CC2D2B: variants seen among roughly 807,000 people sequenced by gnomAD.
The protein encoded by CC2D2B is protein CC2D2B.
A neutral mutation model predicts 161.2 loss-of-function variants in CC2D2B; 128 were observed. The ratio of observed to expected loss-of-function variants is 0.79; its 90% CI spans 0.69 to 0.92. The LOEUF (loss-of-function observed/expected upper bound fraction) is 0.92. Among genes scored for constraint, CC2D2B ranks in the 40% least tolerant of loss-of-function variants. CC2D2B has a pLI of 0.00. For missense variants in CC2D2B, 1,173 were observed against 1,375.1 expected (o/e 0.85, Z 2.32); for synonymous variants, 391 against 449.8 (o/e 0.87, Z 1.65).
chr10:95,997,075 C>A lies in CC2D2B; in HGVS notation c.2849+823C>A, dbSNP rs187889140. Among the ~76,000 whole-genome samples, 206 of 152,286 alleles carry A rather than the reference C, an allele frequency of 1.4e-3. 5 individuals carry two copies. Among genetic ancestry groups the A allele is most frequent in the Admixed American group, 0.013 (205 of 15,288 alleles). On this transcript the variant is annotated intron_variant, in intron 24 of 34. Coordinates refer to ENST00000646931, the MANE Select transcript of CC2D2B (RefSeq NM_001349008.3). The stretch of plus-strand genomic sequence containing the variant: ...GACATCTTGATTTTGAACTTTGCAG[C>A]CTCCATAATTGTAGGAAATAAATTT...
chr10:96,004,648 T>C (rs1420927940), intron 25 of CC2D2B, among the ~76,000 whole-genome samples: 1 of 152,190 alleles, frequency 6.6e-6, no homozygotes, highest in African/African-American at 2.4e-5. Context: ...TAAAATTCAG[T>C]TCTACTTAAT....
At chr10:96,031,573 G>A (rs572051028) in intron 34 of CC2D2B, among the ~76,000 whole-genome samples, 10 of 152,278 alleles carry the variant, frequency 6.6e-5, no homozygotes, top group African/African-American at 2.4e-4. Flanking sequence ...TTTGGACTCA[G>A]ACCTGGTTGT....
chr10:95,999,559 AC>A (rs1479186501), intron 24 of CC2D2B, among the ~76,000 whole-genome samples: 1 of 152,060 alleles, frequency 6.6e-6, no homozygotes, highest in Admixed American at 6.6e-5. Context: ...CTGTTTTCTA[AC>A]CAATTGAGTA....
chr10:95,935,300 C>T (rs1265267686), intron 6 of CC2D2B, among the ~76,000 whole-genome samples: 1 of 152,134 alleles, frequency 6.6e-6, no homozygotes, highest in Non-Finnish European at 1.5e-5. Flanking sequence ...TCTTACAAAC[C>T]CTGTTGGTTC....
chr10:96,001,876 A>G (rs2078513464), intron 24 of CC2D2B, among the ~76,000 whole-genome samples: 1 of 152,192 alleles, frequency 6.6e-6, no homozygotes, highest in Non-Finnish European at 1.5e-5. Flanking sequence ...GTTTTCTGAC[A>G]CTTGCTTTCT....
At position 95,989,961 on chromosome 10, in the gene CC2D2B, G is replaced by A. The variant is rs150696686; in HGVS notation, c.2380-1409G>A. Among the ~76,000 whole-genome samples, 520 of 152,308 alleles carry A rather than the reference G, an allele frequency of 3.4e-3. 1 individual carries two copies. The highest frequency in any genetic ancestry group is 0.011 in the African/African-American group (461 of 41,564). ...AGTTATGTGCATTACATTTCCTGCT[G>A]TGTTACTGGAGTCAGTGATGGCTGA... is the stretch of plus-strand genomic sequence containing the variant. On this transcript the variant is annotated intron_variant, in intron 20 of 34. Coordinates refer to ENST00000646931, the MANE Select transcript of CC2D2B (RefSeq NM_001349008.3).
chr10:95,942,647 T>C (rs918571379), intron 9 of CC2D2B, among the ~76,000 whole-genome samples: 1 of 152,144 alleles, frequency 6.6e-6, no homozygotes, highest in East Asian at 1.9e-4. Context: ...TTTCACCTAA[T>C]TTCTGAGTTT....
At position 95,968,706 on chromosome 10, in the gene CC2D2B, G is replaced by A. The variant is rs1025159170; in HGVS notation, c.1467-18G>A. The stretch of plus-strand genomic sequence containing the variant: ...TTGTACTTTTTAAGGGTGATTTAAA[G>A]GTTTGTTTAATTTTTAGGCATGAAC... On this transcript the variant is annotated intron_variant, in intron 14 of 34. Coordinates refer to ENST00000646931, the MANE Select transcript of CC2D2B (RefSeq NM_001349008.3). The A allele has an allele frequency of 5.4e-6, 6 of 1,101,880 alleles. No individual in the cohort carries two copies. Among genetic ancestry groups the A allele is most frequent in the Non-Finnish European group, 6.9e-6 (6 of 869,710 alleles). 68.3% of individuals were successfully genotyped at this position (1,101,880 alleles called of 1,614,324 possible). A position where few individuals can be genotyped will look rare whatever the true frequency, so the allele number is the denominator to read the frequency against.
intron 10 of CC2D2B, among the ~76,000 whole-genome samples, chr10:95,951,627 T>C (rs188227238): frequency 6.6e-6 from 1 of 152,292 alleles, no homozygotes; most frequent in East Asian, 1.9e-4. Context: ...AAAATGCAGA[T>C]CATTTAAAAA....
intron 16 of CC2D2B, among the ~76,000 whole-genome samples, chr10:95,973,201 A>G (rs571633335): frequency 3.3e-5 from 5 of 152,316 alleles, no homozygotes; most frequent in African/African-American, 9.6e-5. Flanking sequence ...CTTCAAGTCC[A>G]GATGAAGCAG....
At chr10:95,955,616 T>C (rs1269222650) in intron 11 of CC2D2B, 125 bp downstream of exon 11, 2 of 391,670 alleles carry the variant, frequency 5.1e-6, no homozygotes, top group Non-Finnish European at 9.0e-6. Flanking sequence ...ATTACAGAAA[T>C]GGTTTCAATC....
intron 32 of CC2D2B, among the ~76,000 whole-genome samples, chr10:96,024,093 A>C (rs2079584433): frequency 6.6e-6 from 1 of 152,216 alleles, no homozygotes; most frequent in African/African-American, 2.4e-5. Flanking sequence ...GAGACCTGCA[A>C]GGAGTTGAGG....
chr10:95,967,459 G>A (rs1380769476), intron 14 of CC2D2B, among the ~76,000 whole-genome samples: 3 of 149,078 alleles, frequency 2.0e-5, no homozygotes, highest in African/African-American at 4.9e-5. Flanking sequence ...TAGCATTGCT[G>A]TCATCTATTT....
chr10:95,932,710 C>T (rs2075653285), intron 6 of CC2D2B, among the ~76,000 whole-genome samples: 1 of 152,142 alleles, frequency 6.6e-6, no homozygotes, highest in Admixed American at 6.6e-5. Flanking sequence ...TATTGGCCCC[C>T]ACTCTTTTCT....
chr10:95,987,829 G>T (rs79746241), intron 19 of CC2D2B, among the ~76,000 whole-genome samples: 8 of 152,066 alleles, frequency 5.3e-5, no homozygotes, highest in African/African-American at 1.9e-4. Flanking sequence ...TTTCCAAACT[G>T]CACAGTTAGT....
At position 95,972,149 on chromosome 10, in the gene CC2D2B, C is replaced by T. The variant is rs1053114688; in HGVS notation, c.1728C>T (p.Thr576=). 23 of 1,231,522 alleles carry T rather than the reference C, an allele frequency of 1.9e-5. No individual in the cohort carries two copies. In the South Asian group the frequency reaches 4.5e-4, roughly 24 times the overall value. 76.3% of individuals were successfully genotyped at this position (1,231,522 alleles called of 1,614,324 possible). Residue 576 remains threonine (T), a synonymous_variant, in exon 16 of 35, where the codon ACC becomes ACT. Transcript: ENST00000646931. Reference sequence around the variant, plus strand: ...ACTACACAGAGCTGAAAGGCAAAACCGCTTTGCAATATGTAGAGTTTAGCT... The same window carrying T: ...ACTACACAGAGCTGAAAGGCAAAACTGCTTTGCAATATGTAGAGTTTAGCT... ...LPNYTELKGK[T]ALQYVEFSSD... is the part of the protein sequence containing the mutation.
chr10:95,986,827 C>CT (rs2077748564), intron 19 of CC2D2B, among the ~76,000 whole-genome samples: 1 of 151,980 alleles, frequency 6.6e-6, no homozygotes, highest in African/African-American at 2.4e-5. Context: ...GAACTCCTAA[C>CT]TTTAAGTGAT....
chr10:96,016,089 ATG>A, intron 29 of CC2D2B, 110 bp from the exon 30 acceptor site: 2 of 684,976 alleles, frequency 2.9e-6, no homozygotes, highest in South Asian at 3.3e-5. Flanking sequence ...GTAAAAATAA[ATG>A]TGTTTGGAAC....
In CC2D2B at chr10:96,012,585, T is replaced by G; in HGVS notation, c.3282T>G (p.Cys1094Trp). 10 of 1,613,360 alleles carry G rather than the reference T, an allele frequency of 6.2e-6. No homozygotes were observed. In the South Asian group the frequency reaches 6.6e-5, roughly 11 times the overall value. ...GAGCACAGATTTTTAAAAAGAATTGTAAGGCAATGTTTCCCAACCGAAGAA... is the reference window on the plus strand; with the variant it reads ...GAGCACAGATTTTTAAAAAGAATTGGAAGGCAATGTTTCCCAACCGAAGAA... ...LQRAQIFKKN[C>W]KAMFPNRRIV... The change falls in exon 28 of 35, where the codon TGT (cysteine) becomes TGG (tryptophan). Residue 1094 changes from cysteine to tryptophan, a missense_variant. Coordinates refer to ENST00000646931, the MANE Select transcript of CC2D2B (RefSeq NM_001349008.3).
Sources: gnomAD v4.1 joint callset for allele counts (sites outside exome capture counted in the v4.1 genomes callset) on GRCh38, gnomAD v4.1.1 for gene constraint, MANE v1.5 for transcripts, NCBI Gene and HGNC (gene_info 2026-07-23, HGNC 2026-07-21) for gene names.